The following SATL1 variants were observed in gnomAD, a reference collection of about 807,000 sequenced individuals.
The protein encoded by SATL1 is spermidine/spermine N1-acetyl transferase like 1, also known as spermidine/spermine N(1)-acetyltransferase-like protein 1.
Under a neutral mutation model 51.8 loss-of-function variants are expected in SATL1, and 47 were observed. The observed-to-expected ratio is 0.91, with a 90% CI of 0.72 to 1.16. The LOEUF (loss-of-function observed/expected upper bound fraction) is 1.16. Among genes scored for constraint, SATL1 ranks in the 50% most tolerant of loss-of-function variants. The pLI is 0.00. For synonymous variants in SATL1, 176 were observed against 182.4 expected (o/e 0.97, Z 0.28); for missense variants, 520 against 526.4 (o/e 0.99, Z 0.12).
intron 2 of SATL1, among the ~76,000 whole-genome samples, chrX:85,127,336 A>G (rs546413493): frequency 6.4e-4 from 71 of 111,641 alleles, no homozygotes; most frequent in African/African-American, 1.9e-3. Context: ...AATGTTTCTG[A>G]AAGTCCTTTT....
chrX:85,197,751 G>C (rs928870208), intron 2 of SATL1, among the ~76,000 whole-genome samples: 2 of 105,142 alleles, frequency 1.9e-5, no homozygotes, highest in African/African-American at 3.5e-5. Context: ...TGCGGTGTTT[G>C]GTTTTTTGTC....
At chrX:85,230,306 A>T (rs1340368762) in intron 1 of SATL1, among the ~76,000 whole-genome samples, 1 of 112,201 alleles carries the variant, frequency 8.9e-6, no homozygotes, top group Non-Finnish European at 1.9e-5. Flanking sequence ...GGATGCCAAG[A>T]ATACACAATG....
At chrX:85,200,403 T>C (rs1271717335) in intron 2 of SATL1, among the ~76,000 whole-genome samples, 1 of 112,409 alleles carries the variant, frequency 8.9e-6, no homozygotes, top group Non-Finnish European at 1.9e-5. Flanking sequence ...ATCACTGGAC[T>C]GAGCACTTCA....
chrX:85,117,795 T>G (rs1227206758), intron 2 of SATL1, among the ~76,000 whole-genome samples: 2 of 111,640 alleles, frequency 1.8e-5, no homozygotes, highest in African/African-American at 6.5e-5. Context: ...CTATGACAGG[T>G]AGACAGAAAA....
rs750369341 is a variant in SATL1, at chrX:85,094,953, G to A, written c.1737C>T (p.Cys579=). 2 of 1,185,532 alleles carry A rather than the reference G, an allele frequency of 1.7e-6. No individual in the cohort carries two copies. Among genetic ancestry groups the A allele is most frequent in the Middle Eastern group, 4.7e-4 (2 of 4,285 alleles). ...GTTGATCGTTTACTTCTGCAATCAG[G>A]CAGTAGAAAAGGGGATTGTCCCCAA... The part of the protein sequence containing the change: ...DGFGDNPLFY[C]LIAEVNDQQK... The change falls in exon 5 of 8, where the codon TGC becomes TGT. Residue 579 remains cysteine, a synonymous_variant. Transcript: ENST00000644105.
intron 2 of SATL1, among the ~76,000 whole-genome samples, chrX:85,223,720 A>G (rs1014400545): frequency 9.0e-6 from 1 of 111,506 alleles, no homozygotes; most frequent in African/African-American, 3.3e-5. Flanking sequence ...TGATAGGCAT[A>G]GGGATCAGCA....
Position 85,092,480 on chromosome X carries a change from G to A in SATL1, c.1999C>T (p.Arg667Ter), listed in dbSNP as rs925232826. 21 of 1,207,064 alleles carry A rather than the reference G, an allele frequency of 1.7e-5. No individual in the cohort carries two copies. Among genetic ancestry groups the A allele is most frequent in the African/African-American group, 7.0e-5 (4 of 57,063 alleles). ...TCAGAGGAAAGGTCTAAAGCCCCTC[G>A]ACTAGTATAGTAGTTGATAGAAGCC... ...NQASINYYTSRGALDLSSEEG... is the reference protein window; with the variant it reads ...NQASINYYTS Residue 667 changes from arginine to a stop codon, truncating the protein, a stop_gained, in exon 8 of 8, where the codon CGA (arginine) becomes TGA (stop). Transcript: ENST00000644105. LOFTEE classifies it high-confidence loss of function.
At chrX:85,175,862 C>T (rs1247962170) in intron 2 of SATL1, among the ~76,000 whole-genome samples, 1 of 110,761 alleles carries the variant, frequency 9.0e-6, no homozygotes, top group Non-Finnish European at 1.9e-5. Context: ...TCTCCTCCCT[C>T]CCTCTTATCT....
chrX:85,122,649 T>G (rs1173400122), intron 2 of SATL1, among the ~76,000 whole-genome samples: 1 of 112,015 alleles, frequency 8.9e-6, no homozygotes, highest in African/African-American at 3.2e-5. Flanking sequence ...AATAAACTTT[T>G]CTTTTTCCTT....
intron 2 of SATL1, among the ~76,000 whole-genome samples, chrX:85,109,994 G>T (rs1332247900): frequency 8.9e-6 from 1 of 111,832 alleles, no homozygotes; most frequent in Non-Finnish European, 1.9e-5. Context: ...TGGGCAACAA[G>T]AGTGAAACTC....
At chrX:85,187,643 C>A (rs958250107) in intron 2 of SATL1, among the ~76,000 whole-genome samples, 8 of 111,654 alleles carry the variant, frequency 7.2e-5, no homozygotes, top group Non-Finnish European at 1.5e-4. Context: ...TATCTTGAAC[C>A]ATCCTCACAC....
At chrX:85,166,357 A>C (rs1364246833) in intron 2 of SATL1, among the ~76,000 whole-genome samples, 1 of 111,998 alleles carries the variant, frequency 8.9e-6, no homozygotes, top group African/African-American at 3.2e-5. Context: ...AGTGGGATAA[A>C]ATTTTCACAA....
intron 2 of SATL1, among the ~76,000 whole-genome samples, chrX:85,164,723 ATTTTTTTTTT>A: frequency 1.1e-5 from 1 of 92,954 alleles, no homozygotes; most frequent in Admixed American, 1.2e-4. Flanking sequence ...TAGGTGATGA[ATTTTTTTTTT>A]TTTTTTTTTA....
In SATL1 at chrX:85,094,153, G is replaced by T. The variant is rs756747522; in HGVS notation, c.1851C>A (p.Asp617Glu). 2 of 1,178,702 alleles carry T rather than the reference G, an allele frequency of 1.7e-6. No individual in the cohort carries two copies. Among genetic ancestry groups the T allele is most frequent in the Non-Finnish European group, 1.2e-6 (1 of 866,867 alleles). Residue 617 changes from aspartate (D) to glutamate (E), a missense_variant, in exon 6 of 8, where the codon GAC (aspartate) becomes GAA (glutamate). Around this residue, in one of 3 missense-constraint regions of SATL1, gnomAD observed 488 missense variants for 474.3 expected, o/e 1.03. Transcript: ENST00000644105. Reference sequence around the variant, plus strand: ...CTTGGTAAGCTTGTGTGACATAAAAGTCCTCTAGGTAAAGTACCTTGCCAG... The same window carrying T: ...CTTGGTAAGCTTGTGTGACATAAAATTCCTCTAGGTAAAGTACCTTGCCAG... ...SWTGKVLYLE[D>E]FYVTQAYQGL...
At chrX:85,216,226 C>T (rs745711092) in intron 2 of SATL1, among the ~76,000 whole-genome samples, 1 of 111,091 alleles carries the variant, frequency 9.0e-6, no homozygotes, top group African/African-American at 3.3e-5. Flanking sequence ...GAGAGAATGG[C>T]ACCAAATCAT....
chrX:85,228,141 T>C (rs1928312137), intron 1 of SATL1, among the ~76,000 whole-genome samples: 1 of 111,191 alleles, frequency 9.0e-6, no homozygotes, highest in African/African-American at 3.3e-5. Flanking sequence ...TCCATAATGA[T>C]GAATTTCTTA....
chrX:85,167,257 G>A (rs1241674810), intron 2 of SATL1, among the ~76,000 whole-genome samples: 1 of 103,987 alleles, frequency 9.6e-6, no homozygotes, highest in Non-Finnish European at 2.0e-5. Context: ...GAGATGGGGG[G>A]GGGGTTGATG....
At chrX:85,116,924 A>G (rs901254515) in intron 2 of SATL1, among the ~76,000 whole-genome samples, 4 of 111,669 alleles carry the variant, frequency 3.6e-5, no homozygotes, top group African/African-American at 1.3e-4. Context: ...AAGCATGTGC[A>G]CTAAGAGGCA....
At chrX:85,201,514 A>G (rs889048008) in intron 2 of SATL1, among the ~76,000 whole-genome samples, 5 of 111,250 alleles carry the variant, frequency 4.5e-5, no homozygotes, top group Non-Finnish European at 7.5e-5. Context: ...TTGGTTACAT[A>G]GATAAATATG....
Sources: allele counts gnomAD v4.1 joint callset (sites outside exome capture counted in the v4.1 genomes callset), GRCh38; gene constraint gnomAD v4.1.1; regional missense constraint gnomAD v4.1.1; transcripts MANE v1.5; gene names NCBI Gene and HGNC (gene_info 2026-07-23, HGNC 2026-07-21).